The following KAT7 variants were observed in gnomAD, a reference collection of about 807,000 sequenced individuals.
The protein encoded by KAT7 is histone acetyltransferase KAT7.
KAT7 carries 10 observed loss-of-function variants against 82.1 expected under a neutral mutation model. The ratio of observed to expected loss-of-function variants is 0.12; its 90% confidence interval spans 0.08 to 0.21. KAT7 has a LOEUF of 0.21. Among genes scored for constraint, KAT7 ranks in the 10% least tolerant of loss-of-function variants. The probability of loss-of-function intolerance (pLI) is 1.00; values close to 1 mark genes in which losing one functional copy is unlikely to be tolerated. For missense variants in KAT7, 378 were observed against 760.9 expected (o/e 0.50, Z 5.92); for synonymous variants, 250 against 262.5 (o/e 0.95, Z 0.46).
At chr17:49,818,430 A>G (rs2074260155) in intron 9 of KAT7, among the ~76,000 whole-genome samples, 3 of 152,228 alleles carry the variant, frequency 2.0e-5, no homozygotes, top group Non-Finnish European at 2.9e-5. Context: ...ACTGATGCCC[A>G]AGAAGTATAT....
intron 4 of KAT7, among the ~76,000 whole-genome samples, chr17:49,799,551 A>C (rs573204887): frequency 6.6e-6 from 1 of 152,186 alleles, no homozygotes; most frequent in South Asian, 2.1e-4. Context: ...TAACTTTTGT[A>C]TTTTTAGTAG....
intron 4 of KAT7, among the ~76,000 whole-genome samples, chr17:49,801,601 A>G (rs1237013064): frequency 6.6e-6 from 1 of 151,950 alleles, no homozygotes; most frequent in African/African-American, 2.4e-5. Flanking sequence ...TTGATCCTCC[A>G]ACCTCAGCCT....
chr17:49,809,993 A>G (rs965634689), intron 6 of KAT7, among the ~76,000 whole-genome samples: 4 of 152,238 alleles, frequency 2.6e-5, no homozygotes, highest in African/African-American at 7.2e-5. Flanking sequence ...TAGCAGAGAT[A>G]TATGGTGATG....
chr17:49,809,269 C>A, intron 6 of KAT7, 61 bp downstream of exon 6: 1 of 1,186,850 alleles, frequency 8.4e-7, no homozygotes, highest in Non-Finnish European at 1.3e-6. Context: ...TGGATCTCCT[C>A]TATAATTGTC....
intron 12 of KAT7, among the ~76,000 whole-genome samples, chr17:49,825,581 A>G (rs1348349211): frequency 1.3e-5 from 2 of 152,190 alleles, no homozygotes; most frequent in Non-Finnish European, 2.9e-5. Flanking sequence ...GAGACAGACA[A>G]CCTTCACATA....
chr17:49,826,294 G>A, intron 13 of KAT7, 148 bp downstream of exon 13: 1 of 714,908 alleles, frequency 1.4e-6, no homozygotes, highest in Non-Finnish European at 2.3e-6. Context: ...GGAATCCAAA[G>A]CATTTGGCCC....
rs1468717956 is a variant in KAT7 at position 49,828,921 on chromosome 17, G to A, written c.*1419G>A. The A allele has an allele frequency of 6.5e-6, 1 of 153,072 alleles. No homozygotes were observed. The highest frequency in any genetic ancestry group is 1.5e-5 in the Non-Finnish European group (1 of 68,038). 9.5% of individuals were successfully genotyped at this position (153,072 alleles called of 1,614,324 possible). A position where few individuals can be genotyped will look rare whatever the true frequency, so the allele number is the denominator to read the frequency against. ...GGTTGGGGGAGCTAATTTTAAGCATGTTCAGTGGCAGCTCCCCTCCAGTTT... is the reference window on the plus strand; with the variant it reads ...GGTTGGGGGAGCTAATTTTAAGCATATTCAGTGGCAGCTCCCCTCCAGTTT... On this transcript the variant is annotated 3_prime_UTR_variant, in exon 15 of 15. Coordinates refer to ENST00000259021, the MANE Select transcript of KAT7 (RefSeq NM_007067.5).
chr17:49,811,766 T>G (rs1292267838), intron 7 of KAT7, among the ~76,000 whole-genome samples, 192 bp downstream of exon 7: 1 of 152,058 alleles, frequency 6.6e-6, no homozygotes, highest in Non-Finnish European at 1.5e-5. Flanking sequence ...AAACAGGAGG[T>G]CTTGGGAAAA....
At chr17:49,800,031 AGACTGAGTCTCGCTCTGTCCCCCAGGCTG>A in intron 4 of KAT7, among the ~76,000 whole-genome samples, 1 of 36,132 alleles carries the variant, frequency 2.8e-5, no homozygotes, top group East Asian at 4.0e-4. Flanking sequence ...TTTTTTTTTG[AGACTGAGTCTCGCTCTGTCCCCCAGGCTG>A]GAGTGCAGTG....
intron 7 of KAT7, 63 bp from the exon 8 acceptor site, chr17:49,815,740 A>G (rs2074225637): frequency 4.1e-6 from 4 of 977,330 alleles, no homozygotes; most frequent in African/African-American, 3.2e-5. Flanking sequence ...TTGAAATGAA[A>G]TAGATTAAAA....
At chr17:49,814,572 A>G (rs768707855) in intron 7 of KAT7, among the ~76,000 whole-genome samples, 1 of 152,250 alleles carries the variant, frequency 6.6e-6, no homozygotes, top group African/African-American at 2.4e-5. Flanking sequence ...ACCTAAAATC[A>G]TACAGGCAGA....
chr17:49,793,721 C>T (rs533713278), intron 2 of KAT7, among the ~76,000 whole-genome samples: 18 of 152,002 alleles, frequency 1.2e-4, no homozygotes, highest in South Asian at 4.2e-4. Context: ...TACAGGTGCA[C>T]GCCACCGTGC....
intron 9 of KAT7, among the ~76,000 whole-genome samples, chr17:49,821,096 G>A (rs2074298077): frequency 2.0e-5 from 3 of 152,142 alleles, no homozygotes; most frequent in Admixed American, 2.0e-4. Context: ...CTAAAGTAGT[G>A]CCAGAATGTA....
intron 5 of KAT7, among the ~76,000 whole-genome samples, chr17:49,808,576 G>A (rs1489350737): frequency 6.6e-6 from 1 of 150,718 alleles, no homozygotes; most frequent in East Asian, 1.9e-4. Flanking sequence ...TCAGCCTCCC[G>A]AGTAGCGGGG....
chr17:49,817,724 C>T (rs2074251643), intron 8 of KAT7, 96 bp from the exon 9 acceptor site: 5 of 981,014 alleles, frequency 5.1e-6, no homozygotes, highest in South Asian at 4.8e-5. Context: ...GCCTCAGCCT[C>T]CCAAAGTGTT....
intron 4 of KAT7, among the ~76,000 whole-genome samples, chr17:49,804,056 C>T (rs927277911): frequency 6.6e-6 from 1 of 151,966 alleles, no homozygotes; most frequent in African/African-American, 2.4e-5. Flanking sequence ...TGTTCAATTC[C>T]CTGTGTGTTT....
At chr17:49,808,564 C>T (rs888821652) in intron 5 of KAT7, among the ~76,000 whole-genome samples, 1 of 151,800 alleles carries the variant, frequency 6.6e-6, no homozygotes, top group African/African-American at 2.4e-5. Flanking sequence ...AGTTCTCCTG[C>T]CTCAGCCTCC....
At chr17:49,809,086 A>G (rs1266706788) in intron 5 of KAT7, 33 bp from the exon 6 acceptor site, 2 of 1,525,902 alleles carry the variant, frequency 1.3e-6, no homozygotes, top group East Asian at 4.5e-5. Context: ...TCTTAGAAGC[A>G]GGTGGATTTA....
rs2074390963 is a variant in KAT7 at position 49,828,236 on chromosome 17, G to T, written c.*734G>T. On this transcript the variant is annotated 3_prime_UTR_variant, in exon 15 of 15. Coordinates refer to ENST00000259021, the MANE Select transcript of KAT7 (RefSeq NM_007067.5). ...GGCAGTGGGCAGTGTCTTGGTGAAA[G>T]GGAACGGATACTACTTTTTGCCTCA... 1 of 152,140 alleles carries T rather than the reference G, an allele frequency of 6.6e-6. No homozygotes were observed. The highest frequency in any genetic ancestry group is 1.5e-5 in the Non-Finnish European group (1 of 68,038). 9.4% of individuals were successfully genotyped at this position (152,140 alleles called of 1,614,324 possible).
Sources: gnomAD v4.1 joint callset for allele counts (sites outside exome capture counted in the v4.1 genomes callset) on GRCh38, gnomAD v4.1.1 for gene constraint, MANE v1.5 for transcripts, NCBI Gene and HGNC (gene_info 2026-07-23, HGNC 2026-07-21) for gene names.